Variants in TSHZ2 observed in about 807,000 individuals in gnomAD.
The protein encoded by TSHZ2 is teashirt homolog 2.
A neutral mutation model predicts 74.4 loss-of-function variants in TSHZ2; 21 were observed. The observed-to-expected ratio is 0.28, with a 90% CI of 0.20 to 0.41. TSHZ2 has a LOEUF of 0.41. Among genes scored for constraint, TSHZ2 ranks in the 10% least tolerant of loss-of-function variants. TSHZ2 has a pLI of 1.00. For missense variants in TSHZ2, 1,244 were observed against 1,293.5 expected (o/e 0.96, Z 0.59); for synonymous variants, 540 against 515.3 (o/e 1.05, Z -0.65).
chr20:53,354,442 ACTT>A lies in TSHZ2; in HGVS notation c.*8+97878_*8+97880del, dbSNP rs376020639. On this transcript the variant is annotated intron_variant, in intron 2 of 2. Coordinates refer to ENST00000371497, the MANE Select transcript of TSHZ2 (RefSeq NM_173485.6). ...TTGTATAGTAGCAGCATAAAATTCC[ACTT>A]CTTCTTAACTGAAGAAAGCATTTAA... 6.3e-4 allele frequency among the ~76,000 whole-genome samples: 96 copies of A among 152,372 alleles called. 1 individual carries two copies. In the East Asian group the frequency reaches 0.011, roughly 18 times the overall value.
intron 2 of TSHZ2, among the ~76,000 whole-genome samples, chr20:53,289,207 C>T (rs893379250): frequency 6.6e-6 from 1 of 152,166 alleles, no homozygotes; most frequent in Non-Finnish European, 1.5e-5. Context: ...TCTTTATCCA[C>T]TCTTTGGTTG....
chr20:53,219,825 A>T (rs1989514601), intron 1 of TSHZ2, among the ~76,000 whole-genome samples: 1 of 152,220 alleles, frequency 6.6e-6, no homozygotes, highest in Non-Finnish European at 1.5e-5. Context: ...TCAATAACTA[A>T]TTCCTATTTT....
At position 53,491,958 on chromosome 20, in the gene TSHZ2, G is replaced by A. The variant is rs1986458576; in HGVS notation, c.*4823G>A. The A allele has an allele frequency of 6.6e-6, 1 of 151,684 alleles. No homozygotes were observed. Among genetic ancestry groups the A allele is most frequent in the African/African-American group, 2.4e-5 (1 of 41,296 alleles). The allele number at this position is 151,684 out of a possible 1,614,324, so 9.4% of individuals were successfully genotyped here. On this transcript the variant is annotated 3_prime_UTR_variant, in exon 3 of 3. Transcript: ENST00000371497. ...TAAATATTCACAGCCTTTGTATCAT[G>A]GTTATTTGCTTAAAACAGCTTTTAG...
At chr20:53,405,816 C>T (rs1309702851) in intron 2 of TSHZ2, among the ~76,000 whole-genome samples, 4 of 151,840 alleles carry the variant, frequency 2.6e-5, no homozygotes, top group South Asian at 2.1e-4. Flanking sequence ...GGCAACATGG[C>T]GAGACCCTGT....
chr20:53,116,450 G>A (rs1201779213), intron 1 of TSHZ2, among the ~76,000 whole-genome samples: 4 of 151,926 alleles, frequency 2.6e-5, no homozygotes, highest in African/African-American at 7.3e-5. Context: ...CTACAACCTC[G>A]CTCATTCTCT....
At chr20:53,252,852 G>C (rs1990361665) in intron 1 of TSHZ2, among the ~76,000 whole-genome samples, 1 of 152,116 alleles carries the variant, frequency 6.6e-6, no homozygotes, top group Non-Finnish European at 1.5e-5. Flanking sequence ...TATATTTGCT[G>C]AGCTTATATA....
At chr20:53,092,833 CTT>C (rs1985924733) in intron 1 of TSHZ2, among the ~76,000 whole-genome samples, 2 of 152,146 alleles carry the variant, frequency 1.3e-5, no homozygotes, top group African/African-American at 2.4e-5. Context: ...GATTGGCAAA[CTT>C]TTTCTGTAAA....
At chr20:53,131,819 A>AAC (rs1987108349) in intron 1 of TSHZ2, among the ~76,000 whole-genome samples, 8 of 95,398 alleles carry the variant, frequency 8.4e-5, no homozygotes, top group Non-Finnish European at 1.7e-4. Flanking sequence ...TTGAATGACA[A>AAC]CCCCCCCCCC....
intron 2 of TSHZ2, among the ~76,000 whole-genome samples, chr20:53,278,912 G>C (rs1053747727): frequency 2.6e-5 from 4 of 152,118 alleles, no homozygotes; most frequent in African/African-American, 9.7e-5. Context: ...TTGACTTCAC[G>C]AAAACTTAAC....
intron 2 of TSHZ2, among the ~76,000 whole-genome samples, chr20:53,432,734 A>G (rs1983891444): frequency 6.6e-6 from 1 of 152,232 alleles, no homozygotes; most frequent in Non-Finnish European, 1.5e-5. Flanking sequence ...TAAAACCACA[A>G]TGAGAATTTT....
chr20:53,417,460 C>A (rs1329213214), intron 2 of TSHZ2, among the ~76,000 whole-genome samples: 1 of 152,066 alleles, frequency 6.6e-6, no homozygotes, highest in Non-Finnish European at 1.5e-5. Flanking sequence ...TCACTCCCGG[C>A]TAATTTTTGT....
At chr20:53,197,493 C>T (rs780144194) in intron 1 of TSHZ2, among the ~76,000 whole-genome samples, 8 of 152,156 alleles carry the variant, frequency 5.3e-5, no homozygotes, top group Non-Finnish European at 8.8e-5. Context: ...TAATGGAAGA[C>T]AAATCCTCCC....
chr20:53,293,319 C>T (rs992276439), intron 2 of TSHZ2, among the ~76,000 whole-genome samples: 1 of 152,026 alleles, frequency 6.6e-6, no homozygotes, highest in Non-Finnish European at 1.5e-5. Flanking sequence ...AAAAATTAGC[C>T]AGGCCTGGTG....
intron 2 of TSHZ2, among the ~76,000 whole-genome samples, chr20:53,464,894 G>A (rs1315106250): frequency 6.6e-6 from 1 of 152,168 alleles, no homozygotes; most frequent in Non-Finnish European, 1.5e-5. Flanking sequence ...AGCCTTGCAA[G>A]TCACTGGGAT....
intron 1 of TSHZ2, among the ~76,000 whole-genome samples, chr20:53,065,063 ACTT>A (rs758728954): frequency 3.2e-4 from 48 of 152,338 alleles, no homozygotes; most frequent in Admixed American, 2.3e-3. Flanking sequence ...GCTTTGTGAC[ACTT>A]CTTCATTTAT....
At chr20:53,026,697 C>G (rs1209568290) in intron 1 of TSHZ2, among the ~76,000 whole-genome samples, 1 of 152,130 alleles carries the variant, frequency 6.6e-6, no homozygotes, top group Admixed American at 6.6e-5. Flanking sequence ...GCTGCTTTGT[C>G]TTTCTGTACA....
chr20:53,119,596 G>A, intron 1 of TSHZ2, among the ~76,000 whole-genome samples: 1 of 152,138 alleles, frequency 6.6e-6, no homozygotes, highest in Non-Finnish European at 1.5e-5. Context: ...AATACACATA[G>A]ACTATCAAGA....
chr20:53,146,383 A>G (rs763864177), intron 1 of TSHZ2, among the ~76,000 whole-genome samples: 10 of 152,144 alleles, frequency 6.6e-5, no homozygotes, highest in Non-Finnish European at 1.5e-4. Context: ...CACACTAATC[A>G]TGCCCAGAGA....
chr20:53,156,639 C>A (rs1361719903), intron 1 of TSHZ2, among the ~76,000 whole-genome samples: 1 of 152,206 alleles, frequency 6.6e-6, no homozygotes, highest in Non-Finnish European at 1.5e-5. Flanking sequence ...GAAGGGCAAA[C>A]TCCCATGATT....
Sources: allele counts gnomAD v4.1 joint callset (sites outside exome capture counted in the v4.1 genomes callset), GRCh38; gene constraint gnomAD v4.1.1; transcripts MANE v1.5; gene names NCBI Gene and HGNC (gene_info 2026-07-23, HGNC 2026-07-21).